CD2AP: variants seen among roughly 807,000 people sequenced by gnomAD.
CD2AP encodes CD2-associated protein.
Under a neutral mutation model 85.1 loss-of-function variants are expected in CD2AP, and 46 were observed. That is an observed-to-expected ratio of 0.54 (90% CI 0.43 to 0.69). The LOEUF is 0.69. CD2AP is among the 30% of genes least tolerant of loss of function. The probability of loss-of-function intolerance (pLI) is 0.00; values close to 1 mark genes in which losing one functional copy is unlikely to be tolerated. For synonymous variants in CD2AP, 255 were observed against 252.9 expected, an observed-to-expected ratio of 1.01 and a Z score of -0.08; for missense variants, 769 against 729.5, an observed-to-expected ratio of 1.05 and a Z score of -0.62.
At chr6:47,577,527 G>T (rs1768346490) in intron 8 of CD2AP, among the ~76,000 whole-genome samples, 1 of 152,024 alleles carries the variant, frequency 6.6e-6, no homozygotes, top group South Asian at 2.1e-4. Flanking sequence ...TATGGAAATG[G>T]TTCTGAAACT....
In CD2AP at chr6:47,626,864, G is replaced by T. The variant is rs1347929744; in HGVS notation, c.*2637G>T. The T allele has an allele frequency of 6.6e-6, 1 of 152,400 alleles. No homozygotes were observed. The highest frequency in any genetic ancestry group is 2.4e-5 in the African/African-American group (1 of 41,420). 9.4% of individuals were successfully genotyped at this position (152,400 alleles called of 1,614,324 possible). ...TATTATAATGTAAAGGCCTTGTTTT[G>T]CTGTAGCAATAAAATGACCAAGTGC... On this transcript the variant is annotated 3_prime_UTR_variant, in exon 18 of 18. Coordinates refer to ENST00000359314, the MANE Select transcript of CD2AP (RefSeq NM_012120.3).
chr6:47,497,537 A>G (rs1765897635), intron 1 of CD2AP, among the ~76,000 whole-genome samples: 3 of 151,886 alleles, frequency 2.0e-5, no homozygotes, highest in Non-Finnish European at 1.5e-5. Context: ...CAGCTTCCCC[A>G]GTAGTTGGGA....
chr6:47,608,669 A>G (rs1769340370), intron 15 of CD2AP, among the ~76,000 whole-genome samples: 1 of 152,096 alleles, frequency 6.6e-6, no homozygotes, highest in Admixed American at 6.6e-5. Context: ...TTTTTTAGTG[A>G]AATAGTTAAG....
chr6:47,518,471 C>CT (rs942325560), intron 2 of CD2AP, among the ~76,000 whole-genome samples: 22 of 152,092 alleles, frequency 1.4e-4, no homozygotes, highest in African/African-American at 5.3e-4. Flanking sequence ...TAATGATTGG[C>CT]TTTTTTGTGT....
chr6:47,566,323 T>TATATATATATACACACACAC, intron 5 of CD2AP, among the ~76,000 whole-genome samples: 1 of 108,388 alleles, frequency 9.2e-6, no homozygotes, highest in Non-Finnish European at 2.1e-5. Flanking sequence ...TATATATATA[T>TATATATATATACACACACAC]ACACATACAC....
chr6:47,585,507 C>T (rs1046184306), intron 11 of CD2AP, among the ~76,000 whole-genome samples: 1 of 152,168 alleles, frequency 6.6e-6, no homozygotes, highest in Non-Finnish European at 1.5e-5. Flanking sequence ...ATAATTACCA[C>T]AGCTTATTGT....
intron 11 of CD2AP, among the ~76,000 whole-genome samples, chr6:47,595,179 A>G (rs6903331): frequency 0.27 from 40,816 of 151,808 alleles, 5,667 homozygotes; most frequent in African/African-American, 0.33. Flanking sequence ...TTTTGGTGAT[A>G]AAATTGTCTT....
At chr6:47,566,330 A>C (rs1249103660) in intron 5 of CD2AP, among the ~76,000 whole-genome samples, 1 of 145,266 alleles carries the variant, frequency 6.9e-6, no homozygotes, top group Non-Finnish European at 1.5e-5. Flanking sequence ...ATATACACAT[A>C]CACATATATA....
intron 3 of CD2AP, among the ~76,000 whole-genome samples, chr6:47,543,179 GAAAAA>G (rs1301537174): frequency 7.9e-6 from 1 of 127,284 alleles, no homozygotes. Context: ...AAAAGAAAAA[GAAAAA>G]AGAAAAAAAA....
chr6:47,567,952 C>T (rs1287421859), intron 5 of CD2AP, among the ~76,000 whole-genome samples: 6 of 152,082 alleles, frequency 3.9e-5, no homozygotes, highest in African/African-American at 1.4e-4. Context: ...GAGCTGCTGA[C>T]GCCAGTTGAG....
At chr6:47,495,550 A>C (rs1381254199) in intron 1 of CD2AP, among the ~76,000 whole-genome samples, 1 of 152,192 alleles carries the variant, frequency 6.6e-6, no homozygotes, top group Non-Finnish European at 1.5e-5. Flanking sequence ...GTTCCTGCTA[A>C]TTTATGGCTC....
chr6:47,505,327 G>A lies in CD2AP; in HGVS notation c.165+1887G>A, dbSNP rs13215426. Among the ~76,000 whole-genome samples the A allele has an allele frequency of 7.6e-3, 1,133 of 149,024 alleles. 12 individuals are homozygous for A. Among genetic ancestry groups the A allele is most frequent in the African/African-American group, 0.026 (1,049 of 40,424 alleles). ...CTGAGTGGACACAGCACATGTTTCAGAGAGCACAGGGTTGGGGGCAAGGTC... is the reference window on the plus strand; with the variant it reads ...CTGAGTGGACACAGCACATGTTTCAAAGAGCACAGGGTTGGGGGCAAGGTC... On this transcript the variant is annotated intron_variant, in intron 2 of 17. Transcript: ENST00000359314.
intron 17 of CD2AP, among the ~76,000 whole-genome samples, chr6:47,618,652 T>C (rs1769663900): frequency 1.3e-5 from 2 of 152,214 alleles, no homozygotes; most frequent in African/African-American, 2.4e-5. Flanking sequence ...TACATACATG[T>C]TTATATTCAT....
chr6:47,536,394 G>A (rs1767045368), intron 3 of CD2AP, among the ~76,000 whole-genome samples: 1 of 152,204 alleles, frequency 6.6e-6, no homozygotes, highest in Middle Eastern at 3.4e-3. Flanking sequence ...AAGGTTAATA[G>A]TGTAAACACT....
intron 3 of CD2AP, among the ~76,000 whole-genome samples, chr6:47,536,725 A>G (rs1369504434): frequency 6.6e-6 from 1 of 152,202 alleles, no homozygotes; most frequent in Non-Finnish European, 1.5e-5. Flanking sequence ...TGATTACTGT[A>G]AGTTGCTAAA....
intron 5 of CD2AP, among the ~76,000 whole-genome samples, chr6:47,572,280 A>G (rs922706713): frequency 3.3e-5 from 5 of 152,222 alleles, no homozygotes; most frequent in African/African-American, 1.2e-4. Flanking sequence ...ATCCACTGCG[A>G]TGGTGTACAA....
intron 16 of CD2AP, among the ~76,000 whole-genome samples, chr6:47,609,822 G>T (rs77790129): frequency 2.0e-5 from 3 of 152,122 alleles, no homozygotes; most frequent in African/African-American, 7.2e-5. Context: ...TGTGGAAAAC[G>T]TGCATACATA....
chr6:47,504,558 T>C (rs562315119), intron 2 of CD2AP, among the ~76,000 whole-genome samples: 1 of 152,192 alleles, frequency 6.6e-6, no homozygotes, highest in African/African-American at 2.4e-5. Context: ...GGTTAACTTA[T>C]AATACCTAGT....
At chr6:47,512,479 G>T (rs923301055) in intron 2 of CD2AP, among the ~76,000 whole-genome samples, 1 of 152,190 alleles carries the variant, frequency 6.6e-6, no homozygotes, top group Non-Finnish European at 1.5e-5. Flanking sequence ...AACAATGATA[G>T]TCAAATTGGG....
Sources: allele counts gnomAD v4.1 joint callset (sites outside exome capture counted in the v4.1 genomes callset), GRCh38; gene constraint gnomAD v4.1.1; transcripts MANE v1.5; gene names NCBI Gene and HGNC (gene_info 2026-07-23, HGNC 2026-07-21).